The following MAGI2 variants were observed in gnomAD, a reference collection of about 807,000 sequenced individuals.
MAGI2 encodes the protein membrane-associated guanylate kinase, WW and PDZ domain-containing protein 2.
MAGI2 carries 35 observed loss-of-function variants against 133.3 expected under a neutral mutation model. The observed-to-expected ratio is 0.26, with a 90% CI of 0.20 to 0.35. The LOEUF is 0.35. MAGI2 is among the 10% of genes least tolerant of loss of function. The pLI is 1.00. For missense variants in MAGI2, 1,636 were observed against 1,863.4 expected (o/e 0.88, Z 2.25); for synonymous variants, 729 against 710.6 (o/e 1.03, Z -0.41).
At chr7:78,747,420 C>T (rs1823025227) in intron 2 of MAGI2, among the ~76,000 whole-genome samples, 1 of 151,166 alleles carries the variant, frequency 6.6e-6, no homozygotes, top group South Asian at 2.1e-4. Flanking sequence ...TATTGAATGT[C>T]ATTGTGCTCC....
At chr7:79,398,035 T>G (rs1845187813) in intron 1 of MAGI2, among the ~76,000 whole-genome samples, 1 of 152,204 alleles carries the variant, frequency 6.6e-6, no homozygotes, top group Non-Finnish European at 1.5e-5. Flanking sequence ...TTTGTCCATG[T>G]GCCTTTTAAT....
chr7:79,137,371 G>T (rs1466311913), intron 1 of MAGI2, among the ~76,000 whole-genome samples: 1 of 151,632 alleles, frequency 6.6e-6, no homozygotes, highest in Non-Finnish European at 1.5e-5. Flanking sequence ...AATCCTGCTG[G>T]TTCTATTCCA....
chr7:78,820,238 T>C (rs1309474967), intron 2 of MAGI2, among the ~76,000 whole-genome samples: 1 of 151,972 alleles, frequency 6.6e-6, no homozygotes, highest in African/African-American at 2.4e-5. Context: ...AGCTTTAAAA[T>C]AGGAGATTCA....
intron 9 of MAGI2, among the ~76,000 whole-genome samples, chr7:78,328,132 C>G (rs1309472024): frequency 6.6e-6 from 1 of 152,100 alleles, no homozygotes; most frequent in African/African-American, 2.4e-5. Flanking sequence ...GGCAAAATGT[C>G]TCCTTTTCTT....
chr7:78,820,279 G>GTAAT (rs1403614770), intron 2 of MAGI2, among the ~76,000 whole-genome samples: 1 of 151,882 alleles, frequency 6.6e-6, no homozygotes, highest in Non-Finnish European at 1.5e-5. Flanking sequence ...GGTGGCAGAA[G>GTAAT]TAATTAGGGG....
At chr7:78,703,240 A>G (rs1039693576) in intron 2 of MAGI2, among the ~76,000 whole-genome samples, 3 of 152,054 alleles carry the variant, frequency 2.0e-5, no homozygotes, top group African/African-American at 4.8e-5. Context: ...GCAAAAGTTT[A>G]TATTTCTTAA....
At chr7:78,229,953 A>G (rs1789792528) in intron 10 of MAGI2, among the ~76,000 whole-genome samples, 1 of 152,232 alleles carries the variant, frequency 6.6e-6, no homozygotes, top group African/African-American at 2.4e-5. Context: ...CCACAGAAAA[A>G]TGACGATTAG....
intron 1 of MAGI2, among the ~76,000 whole-genome samples, chr7:79,057,755 A>G (rs775412307): frequency 3.3e-5 from 5 of 152,120 alleles, no homozygotes; most frequent in Non-Finnish European, 7.4e-5. Flanking sequence ...CTCATGTGTA[A>G]TTCATGTTAA....
chr7:78,970,034 C>T (rs1166743552), intron 2 of MAGI2, among the ~76,000 whole-genome samples: 1 of 151,952 alleles, frequency 6.6e-6, no homozygotes, highest in Non-Finnish European at 1.5e-5. Flanking sequence ...CCACCATTCC[C>T]CAAGGCTAGT....
chr7:78,063,654 G>A (rs570204022), intron 21 of MAGI2, among the ~76,000 whole-genome samples: 6 of 152,030 alleles, frequency 3.9e-5, no homozygotes, highest in South Asian at 4.2e-4. Context: ...GAACCATTTC[G>A]TCTGCTTGGA....
Position 79,062,273 on chromosome 7 carries a change from C to T in MAGI2, c.302-55067G>A, listed in dbSNP as rs367588489. 1.2e-4 allele frequency among the ~76,000 whole-genome samples: 19 copies of T among 152,184 alleles called. No homozygotes were observed. In the East Asian group the frequency reaches 3.7e-3, roughly 29 times the overall value. ...CCACAATTGCTTACAAATGTTCAGC[C>T]CATACTTCATGTCTACAGTAGATCA... is the stretch of plus-strand genomic sequence containing the variant. On this transcript the variant is annotated intron_variant, in intron 1 of 21. Transcript: ENST00000354212.
At chr7:79,286,032 A>G (rs550821661) in intron 1 of MAGI2, among the ~76,000 whole-genome samples, 14 of 152,190 alleles carry the variant, frequency 9.2e-5, no homozygotes, top group African/African-American at 3.1e-4. Context: ...AGCAGAAACT[A>G]TAAGGCTGAT....
intron 2 of MAGI2, among the ~76,000 whole-genome samples, chr7:78,965,362 T>G (rs1303981311): frequency 1.3e-5 from 2 of 151,866 alleles, no homozygotes; most frequent in Non-Finnish European, 2.9e-5. Flanking sequence ...TTCAGAAAGA[T>G]CTTATGACTT....
chr7:78,838,063 T>A (rs1454548757), intron 2 of MAGI2, among the ~76,000 whole-genome samples: 1 of 152,124 alleles, frequency 6.6e-6, no homozygotes, highest in African/African-American at 2.4e-5. Flanking sequence ...CTTTAATGCA[T>A]CCACTTTTTT....
At chr7:78,442,868 G>C (rs1787763791) in intron 6 of MAGI2, among the ~76,000 whole-genome samples, 1 of 152,122 alleles carries the variant, frequency 6.6e-6, no homozygotes, top group Non-Finnish European at 1.5e-5. Context: ...AAACCTGTTT[G>C]CTCCTGTCTA....
chr7:78,453,900 GT>G (rs1192060523), intron 6 of MAGI2, among the ~76,000 whole-genome samples: 1 of 151,476 alleles, frequency 6.6e-6, no homozygotes, highest in Non-Finnish European at 1.5e-5. Flanking sequence ...ATTTTTTTCC[GT>G]TTTTATTGGT....
intron 1 of MAGI2, among the ~76,000 whole-genome samples, chr7:79,327,238 G>C (rs908420300): frequency 6.6e-6 from 1 of 152,092 alleles, no homozygotes; most frequent in Admixed American, 6.6e-5. Context: ...CCTGGCCATA[G>C]GGTAAATGCC....
rs182116340 is a variant in MAGI2, at chr7:79,060,908, A to G, written c.302-53702T>C. On this transcript the variant is annotated intron_variant, in intron 1 of 21. Transcript: ENST00000354212. The stretch of plus-strand genomic sequence containing the variant: ...ATTATACTAAAAGAAAGAAAACAAC[A>G]TACTCTGTGGATTCAAAAGCCAGTG... Among the ~76,000 whole-genome samples the G allele has an allele frequency of 5.4e-4, 82 of 152,260 alleles. 1 individual carries two copies. Among genetic ancestry groups the G allele is most frequent in the Non-Finnish European group, 7.8e-4 (53 of 68,002 alleles).
At chr7:78,953,453 AAT>A (rs2115581693) in intron 2 of MAGI2, among the ~76,000 whole-genome samples, 1 of 152,252 alleles carries the variant, frequency 6.6e-6, no homozygotes, top group Non-Finnish European at 1.5e-5. Context: ...CTGTGTATGA[AAT>A]AGAGTTAAAT....
Sources: gnomAD v4.1 joint callset for allele counts (sites outside exome capture counted in the v4.1 genomes callset) on GRCh38, gnomAD v4.1.1 for gene constraint, MANE v1.5 for transcripts, NCBI Gene and HGNC (gene_info 2026-07-23, HGNC 2026-07-21) for gene names.